FMN2: variants seen among roughly 807,000 people sequenced by gnomAD.
The protein encoded by FMN2 is formin-2.
Under a neutral mutation model 142.3 loss-of-function variants are expected in FMN2, and 51 were observed. That is an observed-to-expected ratio of 0.36 (90% CI 0.29 to 0.45). The LOEUF (loss-of-function observed/expected upper bound fraction) is 0.45, where lower values mean the gene tolerates loss of function less well. FMN2 is among the 20% of genes least tolerant of loss of function. The pLI is 1.00. For synonymous variants in FMN2, 882 were observed against 869.8 expected, an observed-to-expected ratio of 1.01 and a Z score of -0.25; for missense variants, 1,936 against 2,122.8, an observed-to-expected ratio of 0.91 and a Z score of 1.73.
chr1:240,125,977 C>T (rs1037758479), intron 2 of FMN2, among the ~76,000 whole-genome samples: 8 of 152,118 alleles, frequency 5.3e-5, no homozygotes, highest in Admixed American at 1.3e-4. Flanking sequence ...TGGCTCTGTA[C>T]GACCTCTCTA....
chr1:240,104,933 C>T (rs575621559), intron 1 of FMN2, among the ~76,000 whole-genome samples: 35 of 152,068 alleles, frequency 2.3e-4, no homozygotes, highest in Middle Eastern at 6.8e-3. Flanking sequence ...CTGTACTTCT[C>T]GGCCACCAGA....
chr1:240,281,674 T>C (rs1339760874), intron 7 of FMN2, among the ~76,000 whole-genome samples: 1 of 152,212 alleles, frequency 6.6e-6, no homozygotes, highest in African/African-American at 2.4e-5. Context: ...TAATAAATGG[T>C]CTCCTTTCAA....
chr1:240,179,385 A>G (rs1207014818), intron 3 of FMN2: 2 of 152,100 alleles, frequency 1.3e-5, no homozygotes, highest in Non-Finnish European at 2.9e-5. Context: ...ATGCACTGAA[A>G]TGAGGGCCCA....
chr1:240,173,347 A>C (rs1001023557), intron 2 of FMN2, among the ~76,000 whole-genome samples: 1 of 152,136 alleles, frequency 6.6e-6, no homozygotes, highest in Admixed American at 6.5e-5. Flanking sequence ...TTGAGGAAAC[A>C]TGATATACAC....
At chr1:240,218,373 T>C (rs1666985304) in intron 6 of FMN2, among the ~76,000 whole-genome samples, 1 of 150,710 alleles carries the variant, frequency 6.6e-6, no homozygotes, top group South Asian at 2.1e-4. Flanking sequence ...GTTCTGTGTA[T>C]AATTCATAGG....
At chr1:240,255,537 G>T (rs983869878) in intron 6 of FMN2, among the ~76,000 whole-genome samples, 4 of 152,164 alleles carry the variant, frequency 2.6e-5, no homozygotes, top group Non-Finnish European at 5.9e-5. Flanking sequence ...AGGAGGAGGG[G>T]TGGTTTCCGC....
At chr1:240,254,189 G>A (rs1668372660) in intron 6 of FMN2, among the ~76,000 whole-genome samples, 1 of 152,176 alleles carries the variant, frequency 6.6e-6, no homozygotes, top group South Asian at 2.1e-4. Context: ...CGCAGTAGTA[G>A]TGGTGAGACA....
intron 7 of FMN2, among the ~76,000 whole-genome samples, chr1:240,275,977 A>T (rs1207528502): frequency 3.3e-5 from 5 of 152,184 alleles, no homozygotes; most frequent in Non-Finnish European, 7.3e-5. Flanking sequence ...TTTGTTATCC[A>T]TGCAAATGAC....
intron 4 of FMN2, among the ~76,000 whole-genome samples, chr1:240,199,923 G>A (rs1392501398): frequency 6.6e-6 from 1 of 152,066 alleles, no homozygotes; most frequent in Admixed American, 6.5e-5. Flanking sequence ...TTTTTGATAG[G>A]AAAAGCCATT....
At chr1:240,151,820 G>A (rs1571990726) in intron 2 of FMN2, among the ~76,000 whole-genome samples, 1 of 152,188 alleles carries the variant, frequency 6.6e-6, no homozygotes, top group East Asian at 1.9e-4. Context: ...AGACTGGAGT[G>A]CAATGCTGCG....
chr1:240,319,866 C>A (rs963028771), intron 8 of FMN2, among the ~76,000 whole-genome samples: 3 of 152,184 alleles, frequency 2.0e-5, no homozygotes, highest in Non-Finnish European at 4.4e-5. Context: ...AATATCATAG[C>A]CGCCTGTTTC....
chr1:240,373,714 C>G (rs1376223368), intron 14 of FMN2, among the ~76,000 whole-genome samples: 2 of 152,196 alleles, frequency 1.3e-5, no homozygotes, highest in East Asian at 1.9e-4. Flanking sequence ...TTCTTCAGTT[C>G]TTTCCTCTGC....
intron 2 of FMN2, chr1:240,145,530 A>ATTTTTTTTTTTTTTTTTTTTTTTTTTTTT (rs71168902): frequency 1.2e-5 from 1 of 84,346 alleles, no homozygotes; most frequent in Admixed American, 2.0e-4. Context: ...TTCTTTTTCT[A>ATTTTTTTTTTTTTTTTTTTTTTTTTTTTT]TTTTTTTTTT....
intron 4 of FMN2, among the ~76,000 whole-genome samples, chr1:240,189,172 A>T (rs1262205864): frequency 1.2e-5 from 1 of 84,724 alleles, no homozygotes; most frequent in Non-Finnish European, 2.3e-5. Flanking sequence ...TGGATTTCTT[A>T]TTAAAAAAAA....
At chr1:240,136,022 T>A (rs1662924992) in intron 2 of FMN2, among the ~76,000 whole-genome samples, 1 of 151,998 alleles carries the variant, frequency 6.6e-6, no homozygotes, top group Admixed American at 6.6e-5. Flanking sequence ...TTGTCCCCAG[T>A]TACTACTCAG....
chr1:240,155,583 A>C (rs1192429199), intron 2 of FMN2, among the ~76,000 whole-genome samples: 1 of 152,142 alleles, frequency 6.6e-6, no homozygotes, highest in Non-Finnish European at 1.5e-5. Context: ...GGCCTATCAA[A>C]ATGTTTTTAA....
intron 8 of FMN2, among the ~76,000 whole-genome samples, chr1:240,322,809 C>A (rs1283938356): frequency 6.6e-6 from 1 of 152,142 alleles, no homozygotes; most frequent in Admixed American, 6.5e-5. Flanking sequence ...AAGAGTGAAG[C>A]TGAACTGTGG....
At chr1:240,190,122 A>G (rs1665645519) in intron 4 of FMN2, among the ~76,000 whole-genome samples, 1 of 152,218 alleles carries the variant, frequency 6.6e-6, no homozygotes, top group South Asian at 2.1e-4. Flanking sequence ...TTCCTGAGCG[A>G]TGGACCATGG....
intron 4 of FMN2, among the ~76,000 whole-genome samples, chr1:240,195,699 C>T (rs1226312353): frequency 6.6e-6 from 1 of 152,132 alleles, no homozygotes; most frequent in Non-Finnish European, 1.5e-5. Context: ...CTGTGAATAA[C>T]AAGAATTGAC....
Sources: gnomAD v4.1 joint callset for allele counts (sites outside exome capture counted in the v4.1 genomes callset) on GRCh38, gnomAD v4.1.1 for gene constraint, MANE v1.5 for transcripts, NCBI Gene and HGNC (gene_info 2026-07-23, HGNC 2026-07-21) for gene names.